The following PADI1 variants were observed in gnomAD, a reference collection of about 807,000 sequenced individuals.
The protein encoded by PADI1 is protein-arginine deiminase type-1.
Under a neutral mutation model 74.8 loss-of-function variants are expected in PADI1, and 65 were observed. That is an observed-to-expected ratio of 0.87 (90% confidence interval 0.71 to 1.07). The LOEUF is 1.07. Among genes scored for constraint, PADI1 ranks in the 50% least tolerant of loss-of-function variants. The pLI is 0.00. For synonymous variants in PADI1, 371 were observed against 336.2 expected (o/e 1.10, Z -1.13); for missense variants, 943 against 854.0 (o/e 1.10, Z -1.30).
At chr1:17,237,235 G>A in intron 11 of PADI1, 79 bp from the exon 12 acceptor site, 1 of 1,466,100 alleles carries the variant, frequency 6.8e-7, no homozygotes, top group Non-Finnish European at 9.1e-7. Flanking sequence ...CCCCCTGGTG[G>A]CAGATCTGAT....
At chr1:17,229,108 A>C in intron 8 of PADI1, 57 bp downstream of exon 8, 1 of 1,097,240 alleles carries the variant, frequency 9.1e-7, no homozygotes, top group Non-Finnish European at 1.3e-6. Context: ...GTAGGGACAG[A>C]AGCTGCCTCA....
intron 1 of PADI1, among the ~76,000 whole-genome samples, chr1:17,213,182 A>ATTCGGAGT (rs1553124711): frequency 6.6e-6 from 1 of 151,980 alleles, no homozygotes; most frequent in Non-Finnish European, 1.5e-5. Flanking sequence ...TGGGGACGTA[A>ATTCGGAGT]TCTCCTACCA....
At chr1:17,229,789 C>G (rs1278297483) in intron 8 of PADI1, among the ~76,000 whole-genome samples, 6 of 152,160 alleles carry the variant, frequency 3.9e-5, no homozygotes, top group Admixed American at 1.3e-4. Context: ...CTATTTTAAC[C>G]CAAAAGATTC....
intron 2 of PADI1, 55 bp downstream of exon 2, chr1:17,222,525 G>C: frequency 7.2e-7 from 1 of 1,385,724 alleles, no homozygotes; most frequent in Non-Finnish European, 1.0e-6. Flanking sequence ...CCCATCCAAG[G>C]TAAGAGCCCC....
At chr1:17,230,322 C>T (rs112287468) in intron 9 of PADI1, 114 bp downstream of exon 9, 1 of 1,335,874 alleles carries the variant, frequency 7.5e-7, no homozygotes, top group South Asian at 1.4e-5. Context: ...CTGGGCCAGG[C>T]CTCTGGGGCG....
rs139685874 is a variant in PADI1 at position 17,228,964 on chromosome 1, C to T, written c.842C>T (p.Thr281Ile). The change falls in exon 8 of 16, where the codon ACC (threonine) becomes ATC (isoleucine). Residue 281 changes from threonine to isoleucine, a missense_variant. Transcript: ENST00000375471. Reference sequence around the variant, plus strand: ...TCCCCTCAGACCCTGCCCGAGGTGACCCTCTTCACAGACACTGTGGGCTTC... The same window carrying T: ...TCCCCTCAGACCCTGCCCGAGGTGATCCTCTTCACAGACACTGTGGGCTTC... The part of the protein sequence containing the change: ...LVDPGTLPEV[T>I]LFTDTVGFRM... The T allele has an allele frequency of 4.4e-6, 7 of 1,599,640 alleles. No individual in the cohort carries two copies. Among genetic ancestry groups the T allele is most frequent in the East Asian group, 2.3e-5 (1 of 44,432 alleles).
chr1:17,243,986 C>T lies in PADI1; in HGVS notation c.1759-24C>T, dbSNP rs1488539270. 1.9e-6 allele frequency: 3 copies of T among 1,542,646 alleles called. No individual in the cohort carries two copies. The East Asian group carries it at 6.8e-5, about 35-fold the overall frequency. On this transcript the variant is annotated intron_variant, in intron 15 of 15. Coordinates refer to ENST00000375471, the MANE Select transcript of PADI1 (RefSeq NM_013358.3). ...ACAGCACTTATAGCCAGACAGCCTC[C>T]CTCTTGCCTTTTCTCTTTTGCAGGT... is the stretch of plus-strand genomic sequence containing the variant.
intron 8 of PADI1, 107 bp downstream of exon 8, chr1:17,229,158 G>C: frequency 1.3e-6 from 1 of 749,104 alleles, no homozygotes; most frequent in Non-Finnish European, 2.2e-6. Context: ...TTCATTGCGG[G>C]CACCCATTCA....
intron 1 of PADI1, among the ~76,000 whole-genome samples, chr1:17,219,392 G>C (rs1358488343): frequency 6.6e-6 from 1 of 152,134 alleles, no homozygotes; most frequent in Non-Finnish European, 1.5e-5. Flanking sequence ...TGTGTTAGGA[G>C]TGAGCTGGAA....
intron 6 of PADI1, among the ~76,000 whole-genome samples, chr1:17,228,148 G>A (rs1010319034): frequency 6.6e-6 from 1 of 152,028 alleles, no homozygotes; most frequent in African/African-American, 2.4e-5. Context: ...GTGCCACCAC[G>A]CCTGGCTATT....
chr1:17,222,965 T>C (rs1411280679), intron 2 of PADI1, among the ~76,000 whole-genome samples: 2 of 92,846 alleles, frequency 2.2e-5, no homozygotes, highest in Non-Finnish European at 4.0e-5. Context: ...AGCACCCAAA[T>C]CCTAGACATG....
intron 6 of PADI1, 23 bp downstream of exon 6, chr1:17,226,181 T>C (rs1161667320): frequency 8.7e-6 from 14 of 1,613,396 alleles, no homozygotes; most frequent in Non-Finnish European, 1.2e-5. Flanking sequence ...ATGGGGCCTT[T>C]TCCTCCCAGC....
At chr1:17,206,780 G>A (rs1172973562) in intron 1 of PADI1, among the ~76,000 whole-genome samples, 6 of 143,828 alleles carry the variant, frequency 4.2e-5, no homozygotes, top group Non-Finnish European at 7.5e-5. Context: ...TCCACCTCCC[G>A]GGTTCAATTC....
chr1:17,213,455 C>A (rs1239167945), intron 1 of PADI1, among the ~76,000 whole-genome samples: 2 of 152,186 alleles, frequency 1.3e-5, no homozygotes, highest in African/African-American at 2.4e-5. Context: ...TCGGCTTCAC[C>A]CCAGAGAGAG....
chr1:17,238,392 C>T (rs996340602), intron 12 of PADI1, among the ~76,000 whole-genome samples: 3 of 152,196 alleles, frequency 2.0e-5, no homozygotes, highest in Non-Finnish European at 2.9e-5. Context: ...GGGCAAAATG[C>T]GAAGGGCGTC....
chr1:17,227,530 C>CAAAT (rs56966982), intron 6 of PADI1, among the ~76,000 whole-genome samples: 7,367 of 138,274 alleles, frequency 0.053, 237 homozygotes, highest in East Asian at 0.08. Context: ...GACCCTGTCT[C>CAAAT]AAATAAATAA....
At chr1:17,208,254 G>A (rs929227238) in intron 1 of PADI1, among the ~76,000 whole-genome samples, 7 of 152,176 alleles carry the variant, frequency 4.6e-5, no homozygotes, top group African/African-American at 1.7e-4. Context: ...ATTCCCCCAG[G>A]GGCTGTGTGA....
At chr1:17,219,737 G>A (rs1223208775) in intron 1 of PADI1, among the ~76,000 whole-genome samples, 1 of 152,110 alleles carries the variant, frequency 6.6e-6, no homozygotes, top group African/African-American at 2.4e-5. Flanking sequence ...GGGGTTTACG[G>A]AGTGAAGAAA....
intron 13 of PADI1, 81 bp from the exon 14 acceptor site, chr1:17,239,623 G>A (rs762132757): frequency 1.5e-5 from 16 of 1,058,662 alleles, no homozygotes; most frequent in Non-Finnish European, 2.2e-5. Flanking sequence ...GGAAATCCTG[G>A]CCTGGATTAT....
Sources: allele counts gnomAD v4.1 joint callset (sites outside exome capture counted in the v4.1 genomes callset), GRCh38; gene constraint gnomAD v4.1.1; transcripts MANE v1.5; gene names NCBI Gene and HGNC (gene_info 2026-07-23, HGNC 2026-07-21).